The following SEMA6D variants were observed in gnomAD, a reference collection of about 807,000 sequenced individuals.
SEMA6D encodes the protein semaphorin 6D, also known as semaphorin-6D.
Under a neutral mutation model 106.6 loss-of-function variants are expected in SEMA6D, and 35 were observed. The observed-to-expected ratio is 0.33, with a 90% CI of 0.25 to 0.44. The LOEUF (loss-of-function observed/expected upper bound fraction) is 0.44, where lower values mean the gene tolerates loss of function less well. SEMA6D is among the 20% of genes least tolerant of loss of function. The pLI, the probability that SEMA6D is intolerant of heterozygous loss-of-function variation, is 1.00. For missense variants in SEMA6D, 1,185 were observed against 1,345.9 expected (o/e 0.88, Z 1.87); for synonymous variants, 499 against 487.7 (o/e 1.02, Z -0.31).
chr15:47,564,615 A>G (rs1416983524), intron 3 of SEMA6D, among the ~76,000 whole-genome samples: 1 of 152,332 alleles, frequency 6.6e-6, no homozygotes, highest in South Asian at 2.1e-4. Context: ...GTTTGATTAC[A>G]GGATGCTAGC....
At chr15:47,237,718 C>T (rs1595789363) in intron 1 of SEMA6D, among the ~76,000 whole-genome samples, 3 of 151,936 alleles carry the variant, frequency 2.0e-5, no homozygotes, top group Admixed American at 6.6e-5. Flanking sequence ...GGACTCTACA[C>T]CCCCTTTTAA....
intron 1 of SEMA6D, among the ~76,000 whole-genome samples, chr15:47,743,354 G>A (rs1194453449): frequency 6.6e-6 from 1 of 152,178 alleles, no homozygotes. Context: ...CCATCAGTGG[G>A]TAAAGGGCTC....
chr15:47,521,223 G>C lies in SEMA6D; in HGVS notation c.-87+50678G>C, dbSNP rs113942652. Among the ~76,000 whole-genome samples, 108 of 152,286 alleles carry C rather than the reference G, an allele frequency of 7.1e-4. 1 individual carries two copies. The highest frequency in any genetic ancestry group is 2.3e-3 in the African/African-American group (96 of 41,558). ...AGTGCTCTCTGATGGCACCTGGAAG[G>C]GAAGAGGTGTCATAAGTGAGTTGCT... On this transcript the variant is annotated intron_variant, in intron 3 of 19. Transcript: ENST00000558014.
intron 1 of SEMA6D, among the ~76,000 whole-genome samples, chr15:47,401,827 C>CCCTA (rs1382815294): frequency 1.3e-5 from 2 of 152,206 alleles, no homozygotes; most frequent in Non-Finnish European, 2.9e-5. Context: ...CAAAGCTAGA[C>CCCTA]TGTTTTGTGT....
At chr15:47,227,510 CTCT>C (rs907956819) in intron 1 of SEMA6D, among the ~76,000 whole-genome samples, 55 of 118,078 alleles carry the variant, frequency 4.7e-4, no homozygotes, top group African/African-American at 1.7e-3. Flanking sequence ...TTCTTTGTTT[CTCT>C]TCTTTTTCTT....
At chr15:47,657,395 G>C (rs1320665116) in intron 4 of SEMA6D, among the ~76,000 whole-genome samples, 2 of 151,872 alleles carry the variant, frequency 1.3e-5, no homozygotes, top group Non-Finnish European at 1.5e-5. Flanking sequence ...TCTTCAACTC[G>C]TTTCTACTCA....
intron 3 of SEMA6D, among the ~76,000 whole-genome samples, chr15:47,554,778 T>C (rs60478084): frequency 0.11 from 16,150 of 152,072 alleles, 1,287 homozygotes; most frequent in African/African-American, 0.23. Context: ...TCTGTTTTGG[T>C]CGTGTAGCTT....
intron 4 of SEMA6D, among the ~76,000 whole-genome samples, chr15:47,613,249 T>G (rs2143935562): frequency 6.6e-6 from 1 of 152,342 alleles, no homozygotes; most frequent in East Asian, 1.9e-4. Context: ...GAAGGGTAGG[T>G]TTGAGCCTCA....
At chr15:47,728,569 G>A (rs1375430974) in intron 1 of SEMA6D, among the ~76,000 whole-genome samples, 2 of 152,202 alleles carry the variant, frequency 1.3e-5, no homozygotes, top group Non-Finnish European at 2.9e-5. Flanking sequence ...TGCTCAAGGA[G>A]CATCACTTAG....
At chr15:47,258,864 A>C (rs774057108) in intron 1 of SEMA6D, among the ~76,000 whole-genome samples, 1 of 151,836 alleles carries the variant, frequency 6.6e-6, no homozygotes, top group Non-Finnish European at 1.5e-5. Context: ...ACAACATTTT[A>C]TTATTTGTTT....
In SEMA6D at chr15:47,409,902, G is replaced by C. The variant is rs12442215; in HGVS notation, c.-238-2491G>C. Among the ~76,000 whole-genome samples the C allele has an allele frequency of 6.3e-3, 964 of 152,062 alleles. 8 individuals carry two copies. Among genetic ancestry groups the C allele is most frequent in the African/African-American group, 0.022 (904 of 41,442 alleles). ...TTGCAAACTATTTTCGGGGTTGTGGGGGGGGTGGGGAGGCAGGTCTTAGAT... is the reference window on the plus strand; with the variant it reads ...TTGCAAACTATTTTCGGGGTTGTGGCGGGGGTGGGGAGGCAGGTCTTAGAT... On this transcript the variant is annotated intron_variant, in intron 1 of 19. Transcript: ENST00000558014.
At position 47,384,814 on chromosome 15, in the gene SEMA6D, G is replaced by GTTTTTTTT. The variant is rs1168068495; in HGVS notation, c.-238-27555_-238-27548dup. On this transcript the variant is annotated intron_variant, in intron 1 of 19. Transcript: ENST00000558014. ...TCAGAATTAACATTTGATTACTAAA[G>GTTTTTTTT]TTTTTTTTTTTTTTTTTTTTTTTTT... 1.7e-3 allele frequency among the ~76,000 whole-genome samples: 112 copies of GTTTTTTTT among 65,702 alleles called. 4 individuals carry two copies. Among genetic ancestry groups the GTTTTTTTT allele is most frequent in the Non-Finnish European group, 2.4e-3 (85 of 35,478 alleles). The allele number at this position is 65,702 out of a possible 152,430, so 43.1% of individuals were successfully genotyped here.
intron 9 of SEMA6D, 48 bp downstream of exon 9, chr15:47,763,152 T>C (rs1041557383): frequency 7.8e-6 from 11 of 1,408,560 alleles, no homozygotes; most frequent in African/African-American, 2.8e-5. Flanking sequence ...CTGCATGAAA[T>C]TGAGACCACT....
At chr15:47,296,611 A>G (rs16959195) in intron 1 of SEMA6D, among the ~76,000 whole-genome samples, 4,746 of 152,342 alleles carry the variant, frequency 0.031, 180 homozygotes, top group African/African-American at 0.091. Context: ...ATAAAAGTGA[A>G]GAACCAGATA....
At chr15:47,589,930 T>C (rs11638312) in intron 3 of SEMA6D, among the ~76,000 whole-genome samples, 35 of 152,360 alleles carry the variant, frequency 2.3e-4, no homozygotes, top group Non-Finnish European at 3.5e-4. Context: ...CTTTCAGAGT[T>C]TTTGGGTTGA....
chr15:47,527,517 G>A lies in SEMA6D; in HGVS notation c.-87+56972G>A, dbSNP rs532515959. 4.6e-5 allele frequency: 7 copies of A among 152,276 alleles called. No individual in the cohort carries two copies. In the South Asian group the frequency reaches 1.2e-3, roughly 27 times the overall value. 9.4% of individuals were successfully genotyped at this position (152,276 alleles called of 1,614,324 possible). ...TGATGAAAGGTGTTCATGTATATAT[G>A]TGTGTTTCTGTGTTTGAGATTCTTA... On this transcript the variant is annotated intron_variant, in intron 3 of 19. Transcript: ENST00000558014.
chr15:47,421,636 G>C (rs1371302032), intron 2 of SEMA6D, among the ~76,000 whole-genome samples: 1 of 151,986 alleles, frequency 6.6e-6, no homozygotes, highest in East Asian at 1.9e-4. Context: ...ACTGATGAGT[G>C]TGTACCATAT....
At chr15:47,460,703 T>C (rs2042481024) in intron 2 of SEMA6D, among the ~76,000 whole-genome samples, 1 of 152,082 alleles carries the variant, frequency 6.6e-6, no homozygotes, top group South Asian at 2.1e-4. Context: ...ATTGCAAAAA[T>C]TTCCTAATTT....
At chr15:47,499,383 C>G (rs905783133) in intron 3 of SEMA6D, among the ~76,000 whole-genome samples, 1 of 152,092 alleles carries the variant, frequency 6.6e-6, no homozygotes, top group African/African-American at 2.4e-5. Context: ...ACCCGCAAAG[C>G]CAGATGAGAC....
Sources: allele counts gnomAD v4.1 joint callset (sites outside exome capture counted in the v4.1 genomes callset), GRCh38; gene constraint gnomAD v4.1.1; transcripts MANE v1.5; gene names NCBI Gene and HGNC (gene_info 2026-07-23, HGNC 2026-07-21).